LRMDA: variants seen among roughly 807,000 people sequenced by gnomAD.
The protein encoded by LRMDA is leucine rich melanocyte differentiation associated.
LRMDA carries 18 observed loss-of-function variants against 29.8 expected under a neutral mutation model. That is an observed-to-expected ratio of 0.60 (90% CI 0.42 to 0.90). The LOEUF (loss-of-function observed/expected upper bound fraction) is 0.90, where lower values mean the gene tolerates loss of function less well. Ranked by LOEUF, LRMDA falls within the 40% of genes least tolerant of loss-of-function variation. The probability of loss-of-function intolerance (pLI) is 0.00; values close to 1 mark genes in which losing one functional copy is unlikely to be tolerated. For synonymous variants in LRMDA, 125 were observed against 109.4 expected, an observed-to-expected ratio of 1.14 and a Z score of -0.89; for missense variants, 273 against 273.9, an observed-to-expected ratio of 1.00 and a Z score of 0.02.
At chr10:75,600,177 C>G (rs569540282) in intron 2 of LRMDA, among the ~76,000 whole-genome samples, 16,044 of 152,082 alleles carry the variant, frequency 0.11, 2,617 homozygotes, top group African/African-American at 0.35. Flanking sequence ...TTTTTCCCCC[C>G]AAGTAAGTCT....
intron 2 of LRMDA, among the ~76,000 whole-genome samples, chr10:75,862,917 T>C (rs1844957140): frequency 6.6e-6 from 1 of 152,158 alleles, no homozygotes; most frequent in African/African-American, 2.4e-5. Flanking sequence ...CAATGGAGTG[T>C]TGAAAATTCA....
chr10:76,109,186 C>T (rs1422472850), intron 5 of LRMDA, among the ~76,000 whole-genome samples: 1 of 152,130 alleles, frequency 6.6e-6, no homozygotes, highest in Non-Finnish European at 1.5e-5. Context: ...GTGTATTTCT[C>T]CCCTCCTTCC....
At chr10:76,066,055 G>A (rs917581703) in intron 5 of LRMDA, among the ~76,000 whole-genome samples, 14 of 152,230 alleles carry the variant, frequency 9.2e-5, no homozygotes, top group African/African-American at 3.4e-4. Flanking sequence ...TTGAGCAGTA[G>A]TGTGCTGACT....
At chr10:76,288,300 A>G (rs1840297107) in intron 5 of LRMDA, among the ~76,000 whole-genome samples, 4 of 152,192 alleles carry the variant, frequency 2.6e-5, no homozygotes, top group Admixed American at 2.0e-4. Flanking sequence ...TACCTAAAGG[A>G]ATATAAATCA....
chr10:76,068,405 A>G lies in LRMDA; in HGVS notation c.516+9622A>G, dbSNP rs77829835. On this transcript the variant is annotated intron_variant, in intron 5 of 6. Transcript: ENST00000611255. ...CCAGGGACTAGTTTTTTGGAAGACAATTATTCCACAGACTGGGGGTGGGGA... is the reference window on the plus strand; with the variant it reads ...CCAGGGACTAGTTTTTTGGAAGACAGTTATTCCACAGACTGGGGGTGGGGA... Among the ~76,000 whole-genome samples, 1,469 of 152,198 alleles carry G rather than the reference A, an allele frequency of 9.7e-3. 27 individuals are homozygous for G. The highest frequency in any genetic ancestry group is 0.033 in the African/African-American group (1,361 of 41,524).
intron 5 of LRMDA, among the ~76,000 whole-genome samples, chr10:76,251,722 T>A (rs537891691): frequency 2.6e-5 from 4 of 152,372 alleles, no homozygotes; most frequent in African/African-American, 9.6e-5. Flanking sequence ...CATTCCCATC[T>A]GTCAGAGGTT....
chr10:76,083,540 A>G (rs916691468), intron 5 of LRMDA, among the ~76,000 whole-genome samples: 4 of 152,148 alleles, frequency 2.6e-5, no homozygotes, highest in Non-Finnish European at 5.9e-5. Flanking sequence ...AAATAAAGTC[A>G]CTTCATGGCT....
intron 6 of LRMDA, among the ~76,000 whole-genome samples, chr10:76,369,585 T>C (rs1214634341): frequency 1.3e-5 from 2 of 152,196 alleles, no homozygotes; most frequent in Non-Finnish European, 2.9e-5. Flanking sequence ...GATGACAATG[T>C]TCTTAGGCAG....
chr10:76,266,479 A>G (rs1162571124), intron 5 of LRMDA, among the ~76,000 whole-genome samples: 5 of 152,172 alleles, frequency 3.3e-5, no homozygotes, highest in Non-Finnish European at 7.3e-5. Flanking sequence ...AATATTTGCT[A>G]TATGCCGTAA....
intron 2 of LRMDA, among the ~76,000 whole-genome samples, chr10:75,751,987 A>G (rs138378873): frequency 1.7e-3 from 265 of 151,944 alleles, no homozygotes; most frequent in South Asian, 4.4e-3. Context: ...GGGGAAAATG[A>G]CGAGTTTGGT....
chr10:76,140,750 T>C (rs770806282), intron 5 of LRMDA, among the ~76,000 whole-genome samples: 3 of 152,060 alleles, frequency 2.0e-5, no homozygotes, highest in South Asian at 4.1e-4. Flanking sequence ...ATGAACACAA[T>C]TGCCTTCAAT....
chr10:75,591,565 C>T (rs988063383), intron 2 of LRMDA, among the ~76,000 whole-genome samples: 5 of 152,174 alleles, frequency 3.3e-5, no homozygotes, highest in African/African-American at 9.7e-5. Context: ...TGCTTACCCT[C>T]AGTATAAGAG....
At chr10:75,789,792 GTTGCTATAT>G (rs1734190705) in intron 2 of LRMDA, among the ~76,000 whole-genome samples, 1 of 152,110 alleles carries the variant, frequency 6.6e-6, no homozygotes, top group Admixed American at 6.5e-5. Flanking sequence ...TCAAACTGCT[GTTGCTATAT>G]TTGGATGTTG....
chr10:76,544,541 G>T (rs1843395972), intron 6 of LRMDA, among the ~76,000 whole-genome samples: 2 of 152,046 alleles, frequency 1.3e-5, no homozygotes, highest in Non-Finnish European at 2.9e-5. Context: ...CCTAATGAAA[G>T]CCCTTATAAC....
chr10:76,248,252 A>G (rs1396596545), intron 5 of LRMDA, among the ~76,000 whole-genome samples: 2 of 152,198 alleles, frequency 1.3e-5, no homozygotes, highest in African/African-American at 2.4e-5. Flanking sequence ...ACATCCTACC[A>G]TGCACAGGAC....
intron 2 of LRMDA, among the ~76,000 whole-genome samples, chr10:75,750,362 G>GAT (rs1842943815): frequency 6.6e-6 from 1 of 151,616 alleles, no homozygotes; most frequent in African/African-American, 2.4e-5. Flanking sequence ...CTTCTCAGAC[G>GAT]GGGCAGCAGG....
At chr10:75,680,678 G>A (rs1476402135) in intron 2 of LRMDA, among the ~76,000 whole-genome samples, 2 of 152,122 alleles carry the variant, frequency 1.3e-5, no homozygotes, top group Non-Finnish European at 2.9e-5. Flanking sequence ...GGAAGGGGAA[G>A]TAGGTAGGAC....
intron 5 of LRMDA, among the ~76,000 whole-genome samples, chr10:76,207,468 CA>C (rs1851557593): frequency 6.6e-6 from 1 of 152,180 alleles, no homozygotes; most frequent in Admixed American, 6.5e-5. Flanking sequence ...AGTTGAGAAA[CA>C]TGCCACATTA....
rs550277829 is a variant in LRMDA, at chr10:75,432,040, A to C, written c.30+286A>C. ...CTCACTGAGCAGGCCCAGCGGACAC[A>C]GTGCTGACGGCCCCCGCTGCTTTTG... On this transcript the variant is annotated intron_variant, in intron 1 of 6. Coordinates refer to ENST00000611255, the MANE Select transcript of LRMDA (RefSeq NM_001305581.2). 2.0e-5 allele frequency among the ~76,000 whole-genome samples: 3 copies of C among 152,314 alleles called. No individual in the cohort carries two copies. The South Asian group carries it at 6.2e-4, about 32-fold the overall frequency.
Sources: gnomAD v4.1 joint callset for allele counts (sites outside exome capture counted in the v4.1 genomes callset) on GRCh38, gnomAD v4.1.1 for gene constraint, MANE v1.5 for transcripts, NCBI Gene and HGNC (gene_info 2026-07-23, HGNC 2026-07-21) for gene names.